Variants in ERC2 observed in about 807,000 individuals in gnomAD.
ERC2 encodes ELKS/RAB6-interacting/CAST family member 2, also known as ERC protein 2.
ERC2 carries 42 observed loss-of-function variants against 114.8 expected under a neutral mutation model. The observed-to-expected ratio is 0.37, with a 90% confidence interval of 0.29 to 0.47. ERC2 has a LOEUF of 0.47. Among genes scored for constraint, ERC2 ranks in the 20% least tolerant of loss-of-function variants. ERC2 has a pLI of 0.99. For synonymous variants in ERC2, 454 were observed against 425.5 expected, an observed-to-expected ratio of 1.07 and a Z score of -0.82; for missense variants, 939 against 1,150.7, an observed-to-expected ratio of 0.82 and a Z score of 2.66.
chr3:56,248,926 T>C (rs1424280904), intron 3 of ERC2, among the ~76,000 whole-genome samples: 1 of 152,246 alleles, frequency 6.6e-6, no homozygotes, highest in East Asian at 1.9e-4. Context: ...ATGTTATTTA[T>C]TTTCATGAGT....
chr3:55,724,932 A>G (rs914202796), intron 15 of ERC2, among the ~76,000 whole-genome samples: 1 of 152,220 alleles, frequency 6.6e-6, no homozygotes, highest in African/African-American at 2.4e-5. Flanking sequence ...AGGGATTTCA[A>G]ACATGTCTAA....
At chr3:56,162,836 CT>C (rs2082122838) in intron 4 of ERC2, among the ~76,000 whole-genome samples, 1 of 151,836 alleles carries the variant, frequency 6.6e-6, no homozygotes. Flanking sequence ...TTCATTGATT[CT>C]TTGTATGCAT....
chr3:56,171,931 G>A (rs2082693822), intron 4 of ERC2, among the ~76,000 whole-genome samples: 1 of 146,746 alleles, frequency 6.8e-6, no homozygotes, highest in Non-Finnish European at 1.5e-5. Context: ...CTGGGAAGGT[G>A]GGTGTGGAGG....
chr3:55,575,942 C>A (rs2056956671), intron 17 of ERC2, among the ~76,000 whole-genome samples: 1 of 152,198 alleles, frequency 6.6e-6, no homozygotes, highest in Non-Finnish European at 1.5e-5. Flanking sequence ...TAAACTGAAA[C>A]TCAGAGAGGC....
chr3:55,953,491 T>C (rs2067720510), intron 12 of ERC2, among the ~76,000 whole-genome samples: 1 of 152,204 alleles, frequency 6.6e-6, no homozygotes, highest in South Asian at 2.1e-4. Context: ...TTTTCACACA[T>C]ATTTCTAGCA....
intron 16 of ERC2, among the ~76,000 whole-genome samples, chr3:55,686,092 G>A (rs1245409470): frequency 6.6e-6 from 1 of 152,144 alleles, no homozygotes; most frequent in Non-Finnish European, 1.5e-5. Context: ...GACAGGAGTT[G>A]TAGTTTGAAA....
At chr3:56,377,284 T>C (rs953281451) in intron 2 of ERC2, among the ~76,000 whole-genome samples, 2 of 152,184 alleles carry the variant, frequency 1.3e-5, no homozygotes, top group African/African-American at 4.8e-5. Context: ...TGGAAGAGTA[T>C]GATCCTTTTC....
At chr3:56,011,923 C>A (rs1207772223) in intron 8 of ERC2, among the ~76,000 whole-genome samples, 1 of 152,148 alleles carries the variant, frequency 6.6e-6, no homozygotes, top group Non-Finnish European at 1.5e-5. Flanking sequence ...AACTGTTCTA[C>A]CCCACTGACA....
intron 10 of ERC2, among the ~76,000 whole-genome samples, chr3:56,001,308 G>T (rs888421404): frequency 1.3e-5 from 2 of 151,986 alleles, no homozygotes; most frequent in South Asian, 2.1e-4. Flanking sequence ...CCATATGGTT[G>T]CAAATTCTCT....
intron 4 of ERC2, among the ~76,000 whole-genome samples, chr3:56,151,552 GAGA>G: frequency 6.6e-6 from 1 of 152,292 alleles, no homozygotes; most frequent in Non-Finnish European, 1.5e-5. Context: ...CGCCAAACCA[GAGA>G]AGGACAGAGG....
chr3:55,850,845 AACAC>A (rs61573924), intron 14 of ERC2, among the ~76,000 whole-genome samples: 1,871 of 125,900 alleles, frequency 0.015, 24 homozygotes, highest in South Asian at 0.039. Context: ...CTCTTTTTCA[AACAC>A]ACACACACAC....
At chr3:55,917,143 T>G (rs1186293413) in intron 13 of ERC2, among the ~76,000 whole-genome samples, 1 of 152,272 alleles carries the variant, frequency 6.6e-6, no homozygotes, top group African/African-American at 2.4e-5. Flanking sequence ...CCTGTTGTAG[T>G]TTTTCTTCCA....
intron 4 of ERC2, among the ~76,000 whole-genome samples, chr3:56,166,410 T>C (rs1473388762): frequency 1.3e-5 from 2 of 152,104 alleles, no homozygotes; most frequent in African/African-American, 4.8e-5. Context: ...GCTCCCTCTT[T>C]TTCTATTCTA....
chr3:56,014,519 G>T (rs768974345), intron 8 of ERC2, among the ~76,000 whole-genome samples: 18 of 152,094 alleles, frequency 1.2e-4, no homozygotes, highest in Admixed American at 4.6e-4. Flanking sequence ...CCCAGGTGAT[G>T]CAACTGTCAA....
intron 7 of ERC2, among the ~76,000 whole-genome samples, chr3:56,045,152 T>A: frequency 6.6e-6 from 1 of 152,166 alleles, no homozygotes; most frequent in East Asian, 1.9e-4. Context: ...TTAGTTGGCA[T>A]AAAGTTTTAG....
chr3:55,847,626 C>T (rs1229077292), intron 14 of ERC2, among the ~76,000 whole-genome samples: 1 of 151,790 alleles, frequency 6.6e-6, no homozygotes, highest in East Asian at 1.9e-4. Context: ...TATTTTACCA[C>T]TTTCATATAA....
chr3:55,633,145 G>A (rs1282809880), intron 17 of ERC2, among the ~76,000 whole-genome samples: 2 of 152,080 alleles, frequency 1.3e-5, no homozygotes, highest in African/African-American at 2.4e-5. Context: ...GTGCCTGACC[G>A]ATATCAGCAC....
At chr3:55,617,676 C>T (rs1179147684) in intron 17 of ERC2, among the ~76,000 whole-genome samples, 1 of 152,198 alleles carries the variant, frequency 6.6e-6, no homozygotes, top group Non-Finnish European at 1.5e-5. Context: ...CTGCCTGCCA[C>T]TTGAACATTT....
intron 7 of ERC2, among the ~76,000 whole-genome samples, chr3:56,069,633 C>T (rs758670719): frequency 1.2e-4 from 19 of 152,146 alleles, no homozygotes; most frequent in Non-Finnish European, 2.4e-4. Flanking sequence ...AGTGGGAAAG[C>T]TCAGGGGTCC....
Sources: gnomAD v4.1 joint callset for allele counts (sites outside exome capture counted in the v4.1 genomes callset) on GRCh38, gnomAD v4.1.1 for gene constraint, MANE v1.5 for transcripts, NCBI Gene and HGNC (gene_info 2026-07-23, HGNC 2026-07-21) for gene names.